SUGCT: variants seen among roughly 807,000 people sequenced by gnomAD.
SUGCT encodes the protein succinyl-CoA:glutarate-CoA transferase, also known as succinyl-CoA:glutarate CoA-transferase.
In SUGCT, 41 loss-of-function variants were observed where a neutral mutation model predicts 55.0. The observed-to-expected ratio is 0.74, with a 90% confidence interval of 0.58 to 0.97. The LOEUF (loss-of-function observed/expected upper bound fraction) is 0.97, where lower values mean the gene tolerates loss of function less well. SUGCT is among the 50% of genes least tolerant of loss of function. SUGCT has a pLI of 0.00. For missense variants in SUGCT, 568 were observed against 547.8 expected, an observed-to-expected ratio of 1.04 and a Z score of -0.37; for synonymous variants, 187 against 200.4, an observed-to-expected ratio of 0.93 and a Z score of 0.56.
chr7:40,378,338 T>C (rs531381502), intron 9 of SUGCT, among the ~76,000 whole-genome samples: 15 of 152,328 alleles, frequency 9.8e-5, no homozygotes, highest in Non-Finnish European at 2.1e-4. Flanking sequence ...TCAGACTGGA[T>C]AGTCCCAGTT....
intron 7 of SUGCT, among the ~76,000 whole-genome samples, chr7:40,242,933 A>ATTTTTTTTTTT (rs70996894): frequency 5.8e-5 from 1 of 17,216 alleles, no homozygotes; most frequent in Admixed American, 1.4e-3. Flanking sequence ...ATATATATAT[A>ATTTTTTTTTTT]TTTTTTTTTT....
At chr7:40,210,872 G>A (rs1295034425) in intron 6 of SUGCT, among the ~76,000 whole-genome samples, 1 of 152,166 alleles carries the variant, frequency 6.6e-6, no homozygotes, top group Non-Finnish European at 1.5e-5. Flanking sequence ...GGGTGGAGCA[G>A]GTGATCAGAA....
intron 9 of SUGCT, among the ~76,000 whole-genome samples, chr7:40,347,723 C>T (rs1033210748): frequency 6.6e-6 from 1 of 152,112 alleles, no homozygotes; most frequent in Non-Finnish European, 1.5e-5. Flanking sequence ...GCTGTTGATC[C>T]CACTGTGAAT....
At chr7:40,398,703 T>G (rs1204456215) in intron 9 of SUGCT, among the ~76,000 whole-genome samples, 1 of 152,084 alleles carries the variant, frequency 6.6e-6, no homozygotes, top group African/African-American at 2.4e-5. Context: ...AGTGATATCA[T>G]AATCACAACA....
chr7:40,958,311 G>GT, the SUGCT span, among the ~76,000 whole-genome samples: 1 of 152,024 alleles, frequency 6.6e-6, no homozygotes, highest in East Asian at 1.9e-4. Flanking sequence ...TTAAGCATAG[G>GT]TTTTGTCTCC....
intron 1 of SUGCT, among the ~76,000 whole-genome samples, chr7:40,180,102 T>C (rs1262325058): frequency 6.6e-6 from 1 of 152,216 alleles, no homozygotes; most frequent in Non-Finnish European, 1.5e-5. Context: ...ACTTCAAATA[T>C]TTGCTATTGC....
rs537273504 is a variant in SUGCT at position 40,412,034 on chromosome 7, CT to C, written c.817-37252del. 1.6e-4 allele frequency among the ~76,000 whole-genome samples: 25 copies of C among 152,310 alleles called. No homozygotes were observed. In the East Asian group the frequency reaches 3.3e-3, roughly 20 times the overall value. On this transcript the variant is annotated intron_variant, in intron 9 of 13. Transcript: ENST00000335693. The stretch of plus-strand genomic sequence containing the variant: ...CCCACGCCATCCACTTTTCCCACCC[CT>C]GTTTAAGCACTCAAATGTTCTTTCT...
the SUGCT span, among the ~76,000 whole-genome samples, chr7:40,927,113 T>C: frequency 2.6e-5 from 4 of 152,210 alleles, no homozygotes; most frequent in Non-Finnish European, 4.4e-5. Context: ...TAAAAACTTG[T>C]ATATGTGGCA....
At chr7:40,686,214 A>G (rs1363506749) in intron 12 of SUGCT, among the ~76,000 whole-genome samples, 1 of 152,094 alleles carries the variant, frequency 6.6e-6, no homozygotes, top group Non-Finnish European at 1.5e-5. Flanking sequence ...TAAGATGTAC[A>G]GGTTAGAAGC....
chr7:40,631,917 A>G (rs1051053378), intron 12 of SUGCT, among the ~76,000 whole-genome samples: 1 of 152,176 alleles, frequency 6.6e-6, no homozygotes, highest in East Asian at 1.9e-4. Flanking sequence ...TACTTTTGAT[A>G]ATCCAGGGTC....
intron 8 of SUGCT, among the ~76,000 whole-genome samples, chr7:40,299,458 A>G (rs924243075): frequency 1.3e-5 from 2 of 152,194 alleles, no homozygotes; most frequent in Admixed American, 6.6e-5. Flanking sequence ...ACACTCCCAC[A>G]TAGCTAATTT....
chr7:40,607,642 C>T (rs1443769906), intron 12 of SUGCT, among the ~76,000 whole-genome samples: 1 of 152,116 alleles, frequency 6.6e-6, no homozygotes, highest in Non-Finnish European at 1.5e-5. Flanking sequence ...GTTAAGTCCC[C>T]AAATCATGAA....
At chr7:41,025,641 C>A in the SUGCT span, among the ~76,000 whole-genome samples, 14 of 152,156 alleles carry the variant, frequency 9.2e-5, no homozygotes, top group African/African-American at 3.1e-4. Flanking sequence ...AGATGTGAGC[C>A]ACCGTGCCCA....
At position 40,711,450 on chromosome 7, in the gene SUGCT, C is replaced by T. The variant is rs140292174; in HGVS notation, c.1090-37984C>T. Among the ~76,000 whole-genome samples the T allele has an allele frequency of 5.6e-4, 85 of 151,286 alleles. No homozygotes were observed. The East Asian group carries it at 0.015, about 26-fold the overall frequency. On this transcript the variant is annotated intron_variant, in intron 12 of 13. Coordinates refer to ENST00000335693, the MANE Select transcript of SUGCT (RefSeq NM_001193313.2). ...ACTTGAGGCAGAGGTTGCAGTGAGC[C>T]GAGATCCCACCACTGTACTCCAGCC... is the stretch of plus-strand genomic sequence containing the variant.
At chr7:40,647,903 G>A (rs1363515853) in intron 12 of SUGCT, among the ~76,000 whole-genome samples, 1 of 151,820 alleles carries the variant, frequency 6.6e-6, no homozygotes, top group Non-Finnish European at 1.5e-5. Context: ...CCCAGTCATT[G>A]GTGTATAATC....
chr7:40,582,233 G>C (rs1204951925), intron 12 of SUGCT, among the ~76,000 whole-genome samples: 1 of 152,022 alleles, frequency 6.6e-6, no homozygotes. Flanking sequence ...TCTGAATGTG[G>C]AGTCCATCCC....
chr7:40,575,956 A>G (rs1003314404), intron 12 of SUGCT, among the ~76,000 whole-genome samples: 6 of 151,926 alleles, frequency 3.9e-5, no homozygotes, highest in Non-Finnish European at 7.4e-5. Flanking sequence ...AAAAAAAAAA[A>G]AAAAAGAAAA....
In SUGCT at chr7:40,389,074, T is replaced by C. The variant is rs112433809; in HGVS notation, c.817-60213T>C. On this transcript the variant is annotated intron_variant, in intron 9 of 13. Coordinates refer to ENST00000335693, the MANE Select transcript of SUGCT (RefSeq NM_001193313.2). The stretch of plus-strand genomic sequence containing the variant: ...TCTCTTTGTAAGAAAGAGTATTTGT[T>C]TGTAAGCACTAAAAAGACTAACTTA... Among the ~76,000 whole-genome samples, 22 of 152,348 alleles carry C rather than the reference T, an allele frequency of 1.4e-4. No homozygotes were observed. In the South Asian group the frequency reaches 1.4e-3, roughly 10 times the overall value.
At chr7:40,215,239 C>A (rs2150805466) in intron 6 of SUGCT, among the ~76,000 whole-genome samples, 1 of 152,202 alleles carries the variant, frequency 6.6e-6, no homozygotes, top group Middle Eastern at 3.4e-3. Context: ...AGCTCCTGGG[C>A]TCAAACGATC....
Sources: gnomAD v4.1 joint callset for allele counts (sites outside exome capture counted in the v4.1 genomes callset) on GRCh38, gnomAD v4.1.1 for gene constraint, MANE v1.5 for transcripts, NCBI Gene and HGNC (gene_info 2026-07-23, HGNC 2026-07-21) for gene names.